The following ACCSL variants were observed in gnomAD, a reference collection of about 807,000 sequenced individuals.
ACCSL encodes probable inactive 1-aminocyclopropane-1-carboxylate synthase-like protein 2.
A neutral mutation model predicts 61.7 loss-of-function variants in ACCSL; 55 were observed. That is an observed-to-expected ratio of 0.89 (90% confidence interval 0.72 to 1.12). The LOEUF (loss-of-function observed/expected upper bound fraction) is 1.12. ACCSL is among the 50% of genes most tolerant of loss of function. ACCSL has a pLI of 0.00. For missense variants in ACCSL, 632 were observed against 698.0 expected (o/e 0.91, Z 1.07); for synonymous variants, 258 against 264.3 (o/e 0.98, Z 0.23).
the ACCSL span, among the ~76,000 whole-genome samples, chr11:44,041,919 G>GT: frequency 6.6e-6 from 1 of 152,074 alleles, no homozygotes; most frequent in South Asian, 2.1e-4. Context: ...ATTTCGTCAG[G>GT]TATCTTTTTA....
At chr11:43,925,148 G>C in the ACCSL span, 1 of 264,422 alleles carries the variant, frequency 3.8e-6, no homozygotes, top group Non-Finnish European at 7.8e-6. Context: ...GCCCAGCTGT[G>C]CCCTCCTCCA....
chr11:44,040,404 C>T, the ACCSL span, among the ~76,000 whole-genome samples: 1 of 152,172 alleles, frequency 6.6e-6, no homozygotes, highest in African/African-American at 2.4e-5. Context: ...GTGGTTCTCC[C>T]TGGGTGGGCG....
chr11:43,967,167 C>CTTTTTTTTTTTTTTTT, the ACCSL span, among the ~76,000 whole-genome samples: 19 of 62,706 alleles, frequency 3.0e-4, 2 homozygotes, highest in African/African-American at 8.2e-4. Flanking sequence ...TCTTCTTCTT[C>CTTTTTTTTTTTTTTTT]TTTTTTTTTT....
intron 11 of ACCSL, 69 bp downstream of exon 11, chr11:44,056,395 T>C: frequency 6.5e-7 from 1 of 1,546,556 alleles, no homozygotes; most frequent in Non-Finnish European, 8.7e-7. Context: ...TTGGATTTGC[T>C]TGGGCCTCTG....
upstream of ACCSL, among the ~76,000 whole-genome samples, chr11:44,047,694 C>A (rs751345573): frequency 6.6e-6 from 1 of 152,190 alleles, no homozygotes; most frequent in African/African-American, 2.4e-5. Flanking sequence ...CCAAACAAAG[C>A]AGGAAGTGCT....
the ACCSL span, among the ~76,000 whole-genome samples, chr11:44,039,869 G>A: frequency 9.2e-5 from 14 of 152,208 alleles, no homozygotes; most frequent in Non-Finnish European, 1.6e-4. Flanking sequence ...AGCTGCCCAG[G>A]GCAAGCCTGG....
the ACCSL span, chr11:43,943,489 C>T: frequency 3.6e-6 from 5 of 1,388,326 alleles, no homozygotes; most frequent in Non-Finnish European, 4.8e-6. This position sits in a 1 kb window ranked among gnomAD's most constrained non-coding sequence, Gnocchi z 4.8. Context: ...GGGCCGCTTT[C>T]CTCGTCCTTG....
chr11:44,006,537 G>T, the ACCSL span, among the ~76,000 whole-genome samples: 2 of 127,466 alleles, frequency 1.6e-5, no homozygotes, highest in Non-Finnish European at 3.1e-5. Flanking sequence ...GCAGAGTCTC[G>T]CTCTGTTACC....
At chr11:44,055,097 T>C (rs1168950746) in intron 8 of ACCSL, 105 bp from the exon 9 acceptor site, 11 of 806,270 alleles carry the variant, frequency 1.4e-5, no homozygotes, top group Non-Finnish European at 1.8e-5. Context: ...GAGAACACCA[T>C]AAAAGACATG....
chr11:43,950,829 T>A, the ACCSL span, among the ~76,000 whole-genome samples: 1 of 152,138 alleles, frequency 6.6e-6, no homozygotes, highest in Non-Finnish European at 1.5e-5. Context: ...CACTTCTGTA[T>A]TCTCTGAGCC....
chr11:43,943,462 C>G, the ACCSL span: 5 of 1,411,108 alleles, frequency 3.5e-6, no homozygotes, highest in Admixed American at 2.1e-5. This position sits in a 1 kb window ranked among gnomAD's most constrained non-coding sequence, Gnocchi z 4.8. Flanking sequence ...CGCCCTGGCC[C>G]GGGAGCGCCG....
the ACCSL span, among the ~76,000 whole-genome samples, chr11:43,934,860 G>C: frequency 3.3e-5 from 5 of 152,196 alleles, no homozygotes; most frequent in Non-Finnish European, 2.9e-5. Context: ...GGCTGCCTTG[G>C]AAACAAAGCC....
At chr11:43,967,167 C>CTTTTTTTTTTTTTTTTTTTTTT in the ACCSL span, among the ~76,000 whole-genome samples, 12 of 62,706 alleles carry the variant, frequency 1.9e-4, 1 homozygote, top group African/African-American at 3.4e-4. Context: ...TCTTCTTCTT[C>CTTTTTTTTTTTTTTTTTTTTTT]TTTTTTTTTT....
intron 8 of ACCSL, 55 bp downstream of exon 8, chr11:44,053,561 C>A: frequency 6.6e-7 from 1 of 1,516,530 alleles, no homozygotes; most frequent in Non-Finnish European, 9.1e-7. Context: ...ATTCCCATCA[C>A]TTATAGTCAA....
chr11:44,004,188 TG>T, the ACCSL span, among the ~76,000 whole-genome samples: 2 of 134,828 alleles, frequency 1.5e-5, no homozygotes, highest in Non-Finnish European at 3.2e-5. Context: ...GTGAGTGAGG[TG>T]AAGGGGGGGG....
chr11:43,944,173 A>T, the ACCSL span: 1 of 315,432 alleles, frequency 3.2e-6, no homozygotes, highest in East Asian at 8.8e-5. Flanking sequence ...AGAGCTGACG[A>T]TGGAGAGCTC....
chr11:43,977,207 G>C, the ACCSL span, among the ~76,000 whole-genome samples: 1 of 152,190 alleles, frequency 6.6e-6, no homozygotes, highest in Non-Finnish European at 1.5e-5. Flanking sequence ...TAGAATAATG[G>C]CTCTCCACTA....
At chr11:43,959,272 G>C in the ACCSL span, among the ~76,000 whole-genome samples, 1 of 152,042 alleles carries the variant, frequency 6.6e-6, no homozygotes, top group Non-Finnish European at 1.5e-5. Context: ...GCTTGTTCTT[G>C]CCAAAAGACA....
At chr11:43,986,833 G>A in the ACCSL span, among the ~76,000 whole-genome samples, 5 of 152,158 alleles carry the variant, frequency 3.3e-5, no homozygotes, top group Non-Finnish European at 5.9e-5. Context: ...TACAGGGTTT[G>A]CGGTGCAAAT....
Sources: gnomAD v4.1 joint callset for allele counts (sites outside exome capture counted in the v4.1 genomes callset) on GRCh38, gnomAD v4.1.1 for gene constraint, Gnocchi (gnomAD v3.1) non-coding constraint, MANE v1.5 for transcripts, NCBI Gene and HGNC (gene_info 2026-07-23, HGNC 2026-07-21) for gene names.